TUBB8: variants seen among roughly 807,000 people sequenced by gnomAD.
TUBB8 encodes the protein tubulin beta 8 class VIII.
In TUBB8, 25 loss-of-function variants were observed where a neutral mutation model predicts 33.7. That is an observed-to-expected ratio of 0.74 (90% CI 0.54 to 1.04). TUBB8 has a LOEUF of 1.04. TUBB8 is among the 50% of genes least tolerant of loss of function. The pLI is 0.00. For synonymous variants in TUBB8, 245 were observed against 240.1 expected, an observed-to-expected ratio of 1.02 and a Z score of -0.19; for missense variants, 279 against 608.0, an observed-to-expected ratio of 0.46 and a Z score of 5.69.
intron 1 of TUBB8, among the ~76,000 whole-genome samples, chr10:63,251 T>C (rs545710685): frequency 1.3e-5 from 2 of 152,190 alleles, no homozygotes; most frequent in Admixed American, 6.5e-5. Flanking sequence ...TTTCTTTTTG[T>C]ATTTTTAGTA....
At chr10:55,016 A>G (rs1332835874) in intron 1 of TUBB8, among the ~76,000 whole-genome samples, 1 of 152,182 alleles carries the variant, frequency 6.6e-6, no homozygotes, top group African/African-American at 2.4e-5. Context: ...GCTGCCTCCC[A>G]AAGTGCTGGG....
intron 1 of TUBB8, among the ~76,000 whole-genome samples, chr10:54,834 C>T (rs1329174259): frequency 4.6e-5 from 7 of 152,212 alleles, no homozygotes; most frequent in Non-Finnish European, 7.3e-5. Context: ...TCTCGGTTCA[C>T]TGCAACCTCC....
intron 1 of TUBB8, among the ~76,000 whole-genome samples, chr10:65,006 G>T (rs1177267873): frequency 8.3e-5 from 12 of 143,746 alleles, no homozygotes; most frequent in Non-Finnish European, 1.2e-4. Flanking sequence ...AAAATAGTTG[G>T]GCATGTTGGC....
intron 3 of TUBB8, 188 bp from the exon 4 acceptor site, chr10:48,302 G>A (rs1834397032): frequency 1.4e-6 from 1 of 696,640 alleles, no homozygotes; most frequent in Non-Finnish European, 2.6e-6. Context: ...ATTAAGACAG[G>A]AGTCAAACCT....
At chr10:46,782 G>T (rs1180983781), downstream of TUBB8, 1 of 418,956 alleles carries the variant, frequency 2.4e-6, no homozygotes, top group African/African-American at 2.0e-5. Flanking sequence ...TGGAATGCTT[G>T]TTCCTGGGCA....
chr10:71,569 C>T (rs1400184842), intron 1 of TUBB8, among the ~76,000 whole-genome samples: 1 of 149,982 alleles, frequency 6.7e-6, no homozygotes, highest in Non-Finnish European at 1.5e-5. Context: ...TGCAGTGAGC[C>T]GAGATCTCAC....
chr10:59,636 G>C (rs1394683134), intron 1 of TUBB8, among the ~76,000 whole-genome samples: 1 of 151,230 alleles, frequency 6.6e-6, no homozygotes, highest in Non-Finnish European at 1.5e-5. Context: ...GCAAATTTTT[G>C]CATCAATATT....
chr10:49,117 C>G (rs1834424833), intron 1 of TUBB8, 65 bp downstream of exon 1: 2 of 1,502,552 alleles, frequency 1.3e-6, no homozygotes, highest in African/African-American at 2.8e-5. Context: ...GCCCCCGCCA[C>G]TGCCAACACC....
upstream of TUBB8, among the ~76,000 whole-genome samples, chr10:53,792 C>T (rs1834497359): frequency 6.6e-6 from 1 of 152,274 alleles, no homozygotes; most frequent in African/African-American, 2.4e-5. Context: ...ACTAAATGGA[C>T]ACCTCTTCTT....
upstream of TUBB8, among the ~76,000 whole-genome samples, chr10:75,864 C>T (rs1374726738): frequency 2.6e-5 from 4 of 151,868 alleles, no homozygotes; most frequent in African/African-American, 9.7e-5. Flanking sequence ...ACTGGCCAGG[C>T]GAGATGGCTC....
chr10:51,201 G>A (rs1834464750), upstream of TUBB8, among the ~76,000 whole-genome samples: 1 of 152,122 alleles, frequency 6.6e-6, no homozygotes, highest in Non-Finnish European at 1.5e-5. Flanking sequence ...ACCTCTGACT[G>A]CTGGGTTCAA....
At chr10:50,246 G>C (rs1834449476), upstream of TUBB8, 1 of 152,154 alleles carries the variant, frequency 6.6e-6, no homozygotes, top group Non-Finnish European at 1.5e-5. Context: ...ATAAACAAAT[G>C]AGACATTAAC....
At chr10:51,440 T>C (rs1446117094), upstream of TUBB8, among the ~76,000 whole-genome samples, 1 of 152,220 alleles carries the variant, frequency 6.6e-6, no homozygotes. Flanking sequence ...CCTGCTGCCA[T>C]GTAGAAGATG....
intron 1 of TUBB8, among the ~76,000 whole-genome samples, chr10:68,948 C>G (rs1834704648): frequency 6.6e-6 from 1 of 152,242 alleles, no homozygotes; most frequent in African/African-American, 2.4e-5. Context: ...CCAGCTGGGT[C>G]TGCCCCGTGT....
chr10:47,493 A>T lies in TUBB8; in HGVS notation c.899T>A (p.Met300Lys). 1 of 1,611,806 alleles carries T rather than the reference A, an allele frequency of 6.2e-7. No individual in the cohort carries two copies. The highest frequency in any genetic ancestry group is 1.7e-5 in the Admixed American group (1 of 59,986). ...GCCGTGACGGGGGTCACAGGCAGCC[A>T]TCATGTTCTTAGCATCAAACATCTG... ...TQQMFDAKNM[M>K]AACDPRHGRY... is the part of the protein sequence containing the mutation. Residue 300 changes from methionine to lysine, a missense_variant, in exon 4 of 4, where the codon ATG becomes AAG. Transcript: ENST00000568584.
intron 1 of TUBB8, among the ~76,000 whole-genome samples, chr10:71,857 C>G (rs1834740496): frequency 6.6e-6 from 1 of 151,846 alleles, no homozygotes; most frequent in Non-Finnish European, 1.5e-5. Flanking sequence ...CTGCAGTAAG[C>G]CATGATCACA....
At chr10:70,280 T>A (rs112086826) in intron 1 of TUBB8, among the ~76,000 whole-genome samples, 2 of 10,550 alleles carry the variant, frequency 1.9e-4, no homozygotes, top group Non-Finnish European at 7.3e-4. Flanking sequence ...GTTTTTGTTT[T>A]TTTATTTTTT....
At chr10:60,959 A>C (rs1160277292) in intron 1 of TUBB8, among the ~76,000 whole-genome samples, 1 of 151,916 alleles carries the variant, frequency 6.6e-6, no homozygotes, top group Non-Finnish European at 1.5e-5. Flanking sequence ...CATCATTCTC[A>C]GTAAACTATC....
upstream of TUBB8, among the ~76,000 whole-genome samples, chr10:74,637 A>G (rs1246905740): frequency 2.0e-5 from 3 of 150,098 alleles, no homozygotes; most frequent in Admixed American, 2.0e-4. Flanking sequence ...AAAAAAAAAA[A>G]AAAAAAGAAA....
Sources: allele counts gnomAD v4.1 joint callset (sites outside exome capture counted in the v4.1 genomes callset), GRCh38; gene constraint gnomAD v4.1.1; transcripts MANE v1.5; gene names NCBI Gene and HGNC (gene_info 2026-07-23, HGNC 2026-07-21).